MLLT3: variants seen among roughly 807,000 people sequenced by gnomAD.
MLLT3 encodes protein AF-9.
In MLLT3, 4 loss-of-function variants were observed where a neutral mutation model predicts 53.2. The ratio of observed to expected loss-of-function variants is 0.08; its 90% CI spans 0.04 to 0.17. The LOEUF (loss-of-function observed/expected upper bound fraction) is 0.17. MLLT3 is among the 10% of genes least tolerant of loss of function. The pLI is 1.00. For synonymous variants in MLLT3, 283 were observed against 230.6 expected, an observed-to-expected ratio of 1.23 and a Z score of -2.06; for missense variants, 569 against 684.0, an observed-to-expected ratio of 0.83 and a Z score of 1.87.
intron 5 of MLLT3, among the ~76,000 whole-genome samples, chr9:20,411,415 G>A (rs773145552): frequency 5.3e-5 from 8 of 152,022 alleles, no homozygotes; most frequent in African/African-American, 1.2e-4. Flanking sequence ...CTTCTGTTAC[G>A]CTACCTACTT....
intron 2 of MLLT3, among the ~76,000 whole-genome samples, chr9:20,479,376 C>T (rs1362409431): frequency 6.6e-6 from 1 of 152,086 alleles, no homozygotes; most frequent in South Asian, 2.1e-4. Context: ...CTGCTGTTGG[C>T]CTCCCTTCAC....
rs142622496 is a variant in MLLT3, at chr9:20,406,862, T to C, written c.1125+6859A>G. ...ATTATCCTGCTTAATAGCAGGATCT[T>C]TGACTTTATCTGGGAATATATCACT... is the stretch of plus-strand genomic sequence containing the variant. On this transcript the variant is annotated intron_variant, in intron 5 of 10. Transcript: ENST00000380338. Among the ~76,000 whole-genome samples, 539 of 152,330 alleles carry C rather than the reference T, an allele frequency of 3.5e-3. 3 individuals carry two copies. Among genetic ancestry groups the C allele is most frequent in the African/African-American group, 0.012 (512 of 41,572 alleles).
In MLLT3 at chr9:20,432,652, T is replaced by A. The variant is rs559557084; in HGVS notation, c.420+15471A>T. 4.1e-3 allele frequency among the ~76,000 whole-genome samples: 592 copies of A among 145,346 alleles called. 5 individuals are homozygous for A. Among genetic ancestry groups the A allele is most frequent in the African/African-American group, 0.016 (566 of 35,646 alleles). The stretch of plus-strand genomic sequence containing the variant: ...GAAGTCACCAAGGCTGGAAAAAAAA[T>A]CGCTTTTTTTTTCAGTCTATGCACT... On this transcript the variant is annotated intron_variant, in intron 4 of 10. Coordinates refer to ENST00000380338, the MANE Select transcript of MLLT3 (RefSeq NM_004529.4).
intron 2 of MLLT3, among the ~76,000 whole-genome samples, chr9:20,482,998 T>A (rs777938419): frequency 1.3e-5 from 2 of 152,096 alleles, no homozygotes; most frequent in Non-Finnish European, 2.9e-5. Context: ...GATTGTACAG[T>A]ACTACTTACA....
At chr9:20,415,449 C>G in intron 4 of MLLT3, 1 of 970,094 alleles carries the variant, frequency 1.0e-6, no homozygotes, top group Non-Finnish European at 1.2e-6. Flanking sequence ...ATTTGTGAAC[C>G]TCTACCATTA....
chr9:20,545,856 C>CAAAAAAA (rs5896901), intron 2 of MLLT3, among the ~76,000 whole-genome samples: 4 of 99,820 alleles, frequency 4.0e-5, no homozygotes, highest in East Asian at 5.7e-4. Context: ...CAGTCTCTAC[C>CAAAAAAA]AAAAAAAAAA....
chr9:20,537,870 A>G (rs1818526439), intron 2 of MLLT3, among the ~76,000 whole-genome samples: 1 of 152,244 alleles, frequency 6.6e-6, no homozygotes, highest in Non-Finnish European at 1.5e-5. Context: ...CTGTCCAAAT[A>G]CATTAATCTT....
At chr9:20,501,063 T>C (rs1451884334) in intron 2 of MLLT3, among the ~76,000 whole-genome samples, 2 of 152,156 alleles carry the variant, frequency 1.3e-5, no homozygotes, top group African/African-American at 4.8e-5. Flanking sequence ...TAGCTAAATA[T>C]GATTGATTTT....
chr9:20,348,581 A>G (rs1820935294), intron 10 of MLLT3, among the ~76,000 whole-genome samples: 1 of 152,220 alleles, frequency 6.6e-6, no homozygotes, highest in Non-Finnish European at 1.5e-5. Flanking sequence ...ACTTACCTCC[A>G]GGCTTACTGT....
At chr9:20,365,618 T>A in intron 6 of MLLT3, 51 bp downstream of exon 6, 1 of 1,604,210 alleles carries the variant, frequency 6.2e-7, no homozygotes, top group South Asian at 1.1e-5. Context: ...AAAGTGCCAT[T>A]AAGGTGTTTT....
intron 2 of MLLT3, among the ~76,000 whole-genome samples, chr9:20,520,760 A>C (rs1275464470): frequency 1.3e-5 from 2 of 152,182 alleles, no homozygotes; most frequent in Non-Finnish European, 2.9e-5. Flanking sequence ...GTTCTCAGAA[A>C]GGAGGATAAC....
intron 2 of MLLT3, among the ~76,000 whole-genome samples, chr9:20,519,601 C>T (rs1818007154): frequency 6.6e-6 from 1 of 152,120 alleles, no homozygotes; most frequent in Admixed American, 6.5e-5. Context: ...AAAAAAAGCT[C>T]AACATCACTG....
intron 2 of MLLT3, among the ~76,000 whole-genome samples, chr9:20,565,872 A>G (rs1219638936): frequency 6.9e-6 from 1 of 145,364 alleles, no homozygotes; most frequent in African/African-American, 2.5e-5. Flanking sequence ...TCCACTCTCT[A>G]TATCCTCACT....
rs952776969 is a variant in MLLT3, at chr9:20,346,381, AAAAAAAAAAAAACC to A, written c.*48_*61del. On this transcript the variant is annotated 3_prime_UTR_variant, in exon 11 of 11. Coordinates refer to ENST00000380338, the MANE Select transcript of MLLT3 (RefSeq NM_004529.4). ...CAACAAGAACAAAAAATCACAACCAAAAAAAAAAAAAACCAAAAAAAAAAAACACAATAGTTCTT... is the reference window on the plus strand; with the variant it reads ...CAACAAGAACAAAAAATCACAACCAAAAAAAAAAAAAACACAATAGTTCTT... The A allele has an allele frequency of 6.8e-5, 83 of 1,227,120 alleles. No individual in the cohort carries two copies. The Middle Eastern group carries it at 8.4e-4, about 12-fold the overall frequency. 76.0% of individuals were successfully genotyped at this position (1,227,120 alleles called of 1,614,324 possible). A position where few individuals can be genotyped will look rare whatever the true frequency, so the allele number is the denominator to read the frequency against.
chr9:20,590,154 G>C (rs1000629807), intron 2 of MLLT3, among the ~76,000 whole-genome samples: 3 of 152,124 alleles, frequency 2.0e-5, no homozygotes, highest in Non-Finnish European at 4.4e-5. Flanking sequence ...CTCTAACTTA[G>C]TAGGCTTCCA....
intron 5 of MLLT3, among the ~76,000 whole-genome samples, chr9:20,399,012 C>T (rs1384281734): frequency 2.0e-5 from 3 of 152,160 alleles, no homozygotes; most frequent in African/African-American, 7.2e-5. Flanking sequence ...GCTGCCCGGG[C>T]AGGTAAGAGT....
chr9:20,383,462 T>G (rs1194971665), intron 5 of MLLT3, among the ~76,000 whole-genome samples: 1 of 151,932 alleles, frequency 6.6e-6, no homozygotes, highest in East Asian at 1.9e-4. Flanking sequence ...TTTCTAGCTA[T>G]GTGACCTTAG....
At chr9:20,456,543 A>G (rs1306119200) in intron 3 of MLLT3, among the ~76,000 whole-genome samples, 161 bp downstream of exon 3, 1 of 152,204 alleles carries the variant, frequency 6.6e-6, no homozygotes. Flanking sequence ...CACTTCCTTG[A>G]TAATTAAGGG....
chr9:20,400,396 A>G (rs986539753), intron 5 of MLLT3, among the ~76,000 whole-genome samples: 1 of 152,186 alleles, frequency 6.6e-6, no homozygotes, highest in Non-Finnish European at 1.5e-5. Context: ...TAGAGAAAAA[A>G]ACTTACGATA....
Sources: allele counts gnomAD v4.1 joint callset (sites outside exome capture counted in the v4.1 genomes callset), GRCh38; gene constraint gnomAD v4.1.1; transcripts MANE v1.5; gene names NCBI Gene and HGNC (gene_info 2026-07-23, HGNC 2026-07-21).